The following FAM241A variants were observed in gnomAD, a reference collection of about 807,000 sequenced individuals.
The protein encoded by FAM241A is uncharacterized protein FAM241A.
In FAM241A, 7 loss-of-function variants were observed where a neutral mutation model predicts 12.2. The observed-to-expected ratio is 0.58, with a 90% CI of 0.33 to 1.08. The LOEUF (loss-of-function observed/expected upper bound fraction) is 1.08. Among genes scored for constraint, FAM241A ranks in the 50% least tolerant of loss-of-function variants. The pLI, the probability that FAM241A is intolerant of heterozygous loss-of-function variation, is 0.04. For missense variants in FAM241A, 161 were observed against 169.7 expected (o/e 0.95, Z 0.29); for synonymous variants, 74 against 68.2 (o/e 1.08, Z -0.42).
chr4:112,170,431 TATA>T (rs1390580896), intron 1 of FAM241A, among the ~76,000 whole-genome samples: 1 of 152,226 alleles, frequency 6.6e-6, no homozygotes, highest in East Asian at 1.9e-4. Flanking sequence ...TTAGAACAAC[TATA>T]ATAATATACT....
At chr4:112,171,729 G>A (rs1423088399) in intron 1 of FAM241A, among the ~76,000 whole-genome samples, 2 of 152,016 alleles carry the variant, frequency 1.3e-5, no homozygotes, top group Non-Finnish European at 2.9e-5. Context: ...CATGGTGGCG[G>A]GCGCCTGTAG....
intron 1 of FAM241A, among the ~76,000 whole-genome samples, chr4:112,180,436 A>G (rs1378923950): frequency 6.6e-6 from 1 of 152,198 alleles, no homozygotes; most frequent in African/African-American, 2.4e-5. Context: ...TGTCCTCTTT[A>G]TACAGTATTT....
At chr4:112,182,444 C>G (rs1331568547) in intron 1 of FAM241A, among the ~76,000 whole-genome samples, 2 of 151,406 alleles carry the variant, frequency 1.3e-5, no homozygotes, top group East Asian at 3.9e-4. Context: ...TACCCACTTG[C>G]AATATATTTG....
chr4:112,162,943 G>T (rs12500501), intron 1 of FAM241A, among the ~76,000 whole-genome samples: 2 of 152,168 alleles, frequency 1.3e-5, no homozygotes, highest in Admixed American at 1.3e-4. Flanking sequence ...AAACAGCATG[G>T]TACTGCTACG....
rs1488120465 is a variant in FAM241A, at chr4:112,189,023, ATATAT to A, written c.*2088_*2092del. ...GAAATAAAATATTTTCTTTTATGAA[ATATAT>A]TAGAATGCAGATTATACTAATATCC... On this transcript the variant is annotated 3_prime_UTR_variant, in exon 2 of 2. Transcript: ENST00000309733. 2 of 152,212 alleles carry A rather than the reference ATATAT, an allele frequency of 1.3e-5. No homozygotes were observed. Among genetic ancestry groups the A allele is most frequent in the Non-Finnish European group, 2.9e-5 (2 of 68,032 alleles). The allele number at this position is 152,212 out of a possible 1,614,324, so 9.4% of individuals were successfully genotyped here. A position where few individuals can be genotyped will look rare whatever the true frequency, so the allele number is the denominator to read the frequency against.
At chr4:112,183,137 T>A (rs1345917162) in intron 1 of FAM241A, among the ~76,000 whole-genome samples, 3 of 152,176 alleles carry the variant, frequency 2.0e-5, no homozygotes, top group South Asian at 2.1e-4. Flanking sequence ...GATTTTTTTT[T>A]AAACTTTTTT....
chr4:112,171,106 G>T, intron 1 of FAM241A: 1 of 381,684 alleles, frequency 2.6e-6, no homozygotes, highest in South Asian at 2.3e-5. Flanking sequence ...CCAGATGTGT[G>T]TATAAAACAA....
At chr4:112,145,910 A>G (rs977365480) in intron 1 of FAM241A, among the ~76,000 whole-genome samples, 177 bp downstream of exon 1, 1 of 151,036 alleles carries the variant, frequency 6.6e-6, no homozygotes, top group Non-Finnish European at 1.5e-5. Flanking sequence ...CGCTCCCAGG[A>G]GGAGCGGCGG....
intron 1 of FAM241A, among the ~76,000 whole-genome samples, chr4:112,156,201 C>T (rs1471562010): frequency 1.3e-5 from 2 of 152,154 alleles, no homozygotes; most frequent in Admixed American, 6.5e-5. Context: ...ATGACAGTCA[C>T]GATCACTGCA....
At chr4:112,147,724 A>AGGAT (rs1277307056) in intron 1 of FAM241A, among the ~76,000 whole-genome samples, 2 of 152,202 alleles carry the variant, frequency 1.3e-5, no homozygotes, top group Non-Finnish European at 2.9e-5. Flanking sequence ...GGTTGGTTTA[A>AGGAT]GGATACAAGG....
chr4:112,174,479 A>G (rs890608241), intron 1 of FAM241A, among the ~76,000 whole-genome samples: 1 of 152,218 alleles, frequency 6.6e-6, no homozygotes, highest in Non-Finnish European at 1.5e-5. Flanking sequence ...TACTTGGGAA[A>G]GGGAATGGAG....
chr4:112,171,958 G>T (rs1303245819), intron 1 of FAM241A, among the ~76,000 whole-genome samples: 6 of 152,164 alleles, frequency 3.9e-5, no homozygotes, highest in African/African-American at 9.7e-5. Context: ...TAACTAAACT[G>T]CTTTTAAAAA....
intron 1 of FAM241A, among the ~76,000 whole-genome samples, chr4:112,179,797 A>T (rs946200237): frequency 6.7e-5 from 10 of 149,174 alleles, no homozygotes; most frequent in Admixed American, 1.3e-4. Flanking sequence ...CCCAAATAAA[A>T]TAAATCGTTT....
chr4:112,170,934 T>C (rs551829937), intron 1 of FAM241A, among the ~76,000 whole-genome samples: 13 of 152,066 alleles, frequency 8.5e-5, no homozygotes, highest in Non-Finnish European at 1.6e-4. Context: ...GTGCTTAGTC[T>C]TTGTGCCAAC....
intron 1 of FAM241A, among the ~76,000 whole-genome samples, chr4:112,177,766 C>T (rs1387171857): frequency 1.3e-5 from 2 of 152,026 alleles, no homozygotes; most frequent in Admixed American, 6.6e-5. Context: ...GCTCTTAAAA[C>T]GCAGTGGGTT....
intron 1 of FAM241A, among the ~76,000 whole-genome samples, chr4:112,146,666 C>G (rs1723144403): frequency 1.3e-5 from 2 of 151,926 alleles, no homozygotes; most frequent in East Asian, 1.9e-4. Flanking sequence ...CCTGTCTCTC[C>G]TCATCTTTCT....
At chr4:112,150,750 T>C (rs2110419119) in intron 1 of FAM241A, among the ~76,000 whole-genome samples, 1 of 152,362 alleles carries the variant, frequency 6.6e-6, no homozygotes, top group Middle Eastern at 3.4e-3. Context: ...TTATTGACTG[T>C]AACTTTAGGC....
intron 1 of FAM241A, among the ~76,000 whole-genome samples, chr4:112,151,681 A>G (rs1723247314): frequency 6.6e-6 from 1 of 152,342 alleles, no homozygotes; most frequent in East Asian, 1.9e-4. Context: ...ACATAGTATC[A>G]GTAATATATA....
intron 1 of FAM241A, among the ~76,000 whole-genome samples, chr4:112,148,637 T>G (rs538282992): frequency 6.6e-6 from 1 of 152,254 alleles, no homozygotes; most frequent in South Asian, 2.1e-4. Context: ...TAAAGAGAGA[T>G]AAGCAAGGGA....
Sources: gnomAD v4.1 joint callset for allele counts (sites outside exome capture counted in the v4.1 genomes callset) on GRCh38, gnomAD v4.1.1 for gene constraint, MANE v1.5 for transcripts, NCBI Gene and HGNC (gene_info 2026-07-23, HGNC 2026-07-21) for gene names.